The following ADGRL3 variants were observed in gnomAD, a reference collection of about 807,000 sequenced individuals.
ADGRL3 encodes calcium-independent alpha-latrotoxin receptor 3.
Under a neutral mutation model 153.5 loss-of-function variants are expected in ADGRL3, and 62 were observed. The ratio of observed to expected loss-of-function variants is 0.40; its 90% CI spans 0.33 to 0.50. The LOEUF (loss-of-function observed/expected upper bound fraction) is 0.50. ADGRL3 is among the 20% of genes least tolerant of loss of function. The pLI, the probability that ADGRL3 is intolerant of heterozygous loss-of-function variation, is 0.47. For missense variants in ADGRL3, 1,641 were observed against 1,859.4 expected, an observed-to-expected ratio of 0.88 and a Z score of 2.16; for synonymous variants, 710 against 672.5, an observed-to-expected ratio of 1.06 and a Z score of -0.86.
intron 9 of ADGRL3, among the ~76,000 whole-genome samples, chr4:61,856,604 CTTTTTTTTTTTTTTT>C (rs1157019252): frequency 1.3e-4 from 2 of 15,598 alleles, no homozygotes; most frequent in Admixed American, 1.1e-3. Context: ...CTCTCTCTCT[CTTTTTTTTTTTTTTT>C]TTTTTTTTTT....
chr4:61,270,853 G>A (rs2093133663), intron 1 of ADGRL3, among the ~76,000 whole-genome samples: 1 of 151,610 alleles, frequency 6.6e-6, no homozygotes, highest in Non-Finnish European at 1.5e-5. Flanking sequence ...TGGAAGACCT[G>A]ATACTGTTGT....
intron 6 of ADGRL3, among the ~76,000 whole-genome samples, chr4:61,722,023 G>T (rs1003753955): frequency 2.0e-5 from 3 of 152,018 alleles, no homozygotes; most frequent in African/African-American, 7.2e-5. Flanking sequence ...TAAAGATTTG[G>T]ATATCATTTA....
chr4:61,623,401 A>T (rs983802478), intron 5 of ADGRL3, among the ~76,000 whole-genome samples: 1 of 151,998 alleles, frequency 6.6e-6, no homozygotes. Flanking sequence ...AAGAGAAAAG[A>T]TTGTGTTCAA....
chr4:61,480,818 G>T (rs1387015406), intron 2 of ADGRL3, among the ~76,000 whole-genome samples: 1 of 151,768 alleles, frequency 6.6e-6, no homozygotes, highest in Non-Finnish European at 1.5e-5. Context: ...ATAAATAAAA[G>T]ATAAAATGAG....
chr4:61,698,034 G>T (rs548834278), intron 6 of ADGRL3, among the ~76,000 whole-genome samples: 2 of 152,110 alleles, frequency 1.3e-5, no homozygotes, highest in African/African-American at 2.4e-5. Context: ...AGCCATGGAA[G>T]AGAATGTAAC....
chr4:61,628,638 A>G (rs1445880170), intron 5 of ADGRL3, among the ~76,000 whole-genome samples: 1 of 152,188 alleles, frequency 6.6e-6, no homozygotes. Flanking sequence ...GTTTCCTAGC[A>G]TGGAAGATGG....
chr4:61,743,617 T>C (rs1179744554), intron 8 of ADGRL3, among the ~76,000 whole-genome samples: 3 of 152,204 alleles, frequency 2.0e-5, no homozygotes, highest in African/African-American at 7.2e-5. Flanking sequence ...CATATTTAAA[T>C]AGTAAGTGAA....
At chr4:61,930,588 T>C (rs2098813694) in intron 13 of ADGRL3, among the ~76,000 whole-genome samples, 1 of 152,148 alleles carries the variant, frequency 6.6e-6, no homozygotes, top group Non-Finnish European at 1.5e-5. Context: ...CAGAGTTATA[T>C]GCTATGAGTA....
Position 61,319,857 on chromosome 4 carries a change from A to C in ADGRL3, c.-239-63267A>C, listed in dbSNP as rs758522669. Among the ~76,000 whole-genome samples, 6 of 152,280 alleles carry C rather than the reference A, an allele frequency of 3.9e-5. No individual in the cohort carries two copies. In the South Asian group the frequency reaches 1.2e-3, roughly 32 times the overall value. On this transcript the variant is annotated intron_variant, in intron 1 of 26. Transcript: ENST00000683033. ...ATATAAAATCTATTAAAATATGTGC[A>C]TGAGCTTTGAAAAATTGTTTCTCCT...
chr4:61,977,635 T>A (rs2099052765), intron 17 of ADGRL3, among the ~76,000 whole-genome samples: 1 of 152,158 alleles, frequency 6.6e-6, no homozygotes, highest in Non-Finnish European at 1.5e-5. Context: ...TGTGAAGTCG[T>A]ATCTGGCAGT....
chr4:61,205,071 T>A (rs192494344), intron 1 of ADGRL3, among the ~76,000 whole-genome samples: 44 of 152,350 alleles, frequency 2.9e-4, no homozygotes, highest in African/African-American at 9.1e-4. Context: ...AGATTTTTTT[T>A]ATGGATTTGA....
intron 5 of ADGRL3, among the ~76,000 whole-genome samples, chr4:61,647,140 C>G (rs563897239): frequency 2.6e-5 from 4 of 152,084 alleles, no homozygotes; most frequent in Non-Finnish European, 4.4e-5. Flanking sequence ...TCAGCTCCTG[C>G]GCGGTGCACT....
In ADGRL3 at chr4:61,866,595, G is replaced by T. The variant is rs1035892857; in HGVS notation, c.1481-26061G>T. On this transcript the variant is annotated intron_variant, in intron 9 of 26. Transcript: ENST00000683033. ...TGGCCCAGAGCTACTTCATTCTCTT[G>T]CTTCCTGTCAGTGCTGAGGCTGGAA... is the stretch of plus-strand genomic sequence containing the variant. Among the ~76,000 whole-genome samples the T allele has an allele frequency of 3.3e-5, 5 of 152,134 alleles. No homozygotes were observed. In the East Asian group the frequency reaches 9.7e-4, roughly 29 times the overall value.
At chr4:61,425,056 T>C (rs1407069731) in intron 2 of ADGRL3, among the ~76,000 whole-genome samples, 4 of 152,094 alleles carry the variant, frequency 2.6e-5, no homozygotes, top group Admixed American at 2.0e-4. Context: ...ACAAAGTCCA[T>C]TGGAGCTTGA....
chr4:61,590,703 G>T (rs2098965819), intron 5 of ADGRL3, among the ~76,000 whole-genome samples: 1 of 152,034 alleles, frequency 6.6e-6, no homozygotes, highest in African/African-American at 2.4e-5. Context: ...ATGTATTGAA[G>T]AGATTAAAGG....
intron 4 of ADGRL3, among the ~76,000 whole-genome samples, chr4:61,585,818 T>C (rs2149339550): frequency 6.6e-6 from 1 of 152,162 alleles, no homozygotes; most frequent in East Asian, 1.9e-4. Flanking sequence ...AGACCTTTCC[T>C]GTATAAAAAT....
At position 61,382,321 on chromosome 4, in the gene ADGRL3, C is replaced by T. The variant is rs2096679534; in HGVS notation, c.-239-803C>T. On this transcript the variant is annotated intron_variant, in intron 1 of 26. Transcript: ENST00000683033. ...TCTTTGTGTAGTCACAAACTAGTAA[C>T]TAAAACTAAAGAGCTTTGTGTAAAG... Among the ~76,000 whole-genome samples, 3 of 151,070 alleles carry T rather than the reference C, an allele frequency of 2.0e-5. No homozygotes were observed. The South Asian group carries it at 6.2e-4, about 31-fold the overall frequency.
intron 2 of ADGRL3, among the ~76,000 whole-genome samples, chr4:61,434,275 G>A (rs2097415501): frequency 6.6e-6 from 1 of 151,968 alleles, no homozygotes; most frequent in Admixed American, 6.6e-5. Flanking sequence ...TGGTCATGGT[G>A]GGAAAAATGC....
chr4:61,579,477 G>A, intron 4 of ADGRL3: 1 of 326,908 alleles, frequency 3.1e-6, no homozygotes, highest in Non-Finnish European at 6.1e-6. Context: ...ATGTTGAAAT[G>A]CTATAGTAAG....
Sources: gnomAD v4.1 joint callset for allele counts (sites outside exome capture counted in the v4.1 genomes callset) on GRCh38, gnomAD v4.1.1 for gene constraint, MANE v1.5 for transcripts, NCBI Gene and HGNC (gene_info 2026-07-23, HGNC 2026-07-21) for gene names.